The following MCC variants were observed in gnomAD, a reference collection of about 807,000 sequenced individuals.
MCC encodes the protein colorectal mutant cancer protein.
A neutral mutation model predicts 116.2 loss-of-function variants in MCC; 90 were observed. The ratio of observed to expected loss-of-function variants is 0.77; its 90% CI spans 0.65 to 0.92. The LOEUF (loss-of-function observed/expected upper bound fraction) is 0.92. Ranked by LOEUF, MCC falls within the 40% of genes least tolerant of loss-of-function variation. The pLI is 0.00. For missense variants in MCC, 1,516 were observed against 1,312.2 expected (o/e 1.16, Z -2.40); for synonymous variants, 578 against 510.5 (o/e 1.13, Z -1.78).
At chr5:113,069,342 G>T (rs976784022) in intron 12 of MCC, among the ~76,000 whole-genome samples, 1 of 152,234 alleles carries the variant, frequency 6.6e-6, no homozygotes, top group Admixed American at 6.5e-5. Context: ...CATTCATTGG[G>T]CAAACAAGGT....
chr5:113,275,785 T>C (rs1765798980), intron 3 of MCC, among the ~76,000 whole-genome samples: 2 of 152,118 alleles, frequency 1.3e-5, no homozygotes, highest in Admixed American at 1.3e-4. Flanking sequence ...TATATGCAAA[T>C]ACTACACCCT....
chr5:113,220,974 G>A (rs1353928526), intron 3 of MCC, among the ~76,000 whole-genome samples: 3 of 152,210 alleles, frequency 2.0e-5, no homozygotes, highest in East Asian at 3.8e-4. Context: ...AGAGCAAGGC[G>A]TGTGGATTGC....
At chr5:113,341,947 G>A (rs145012923) in intron 2 of MCC, among the ~76,000 whole-genome samples, 1 of 152,106 alleles carries the variant, frequency 6.6e-6, no homozygotes, top group African/African-American at 2.4e-5. Context: ...CACCCGAACA[G>A]TGTACGCTGT....
chr5:113,092,403 A>C (rs1755706715), intron 8 of MCC, among the ~76,000 whole-genome samples: 1 of 152,208 alleles, frequency 6.6e-6, no homozygotes, highest in African/African-American at 2.4e-5. Flanking sequence ...AGAGAGATGC[A>C]GCCTTGCCGA....
chr5:113,102,050 C>G, intron 7 of MCC, 105 bp from the exon 8 acceptor site: 2 of 1,070,702 alleles, frequency 1.9e-6, no homozygotes, highest in Non-Finnish European at 1.4e-6. Context: ...GGAGTGTGTT[C>G]TAGAACCACT....
intron 2 of MCC, among the ~76,000 whole-genome samples, chr5:113,348,106 C>G (rs1461227046): frequency 6.6e-6 from 1 of 151,938 alleles, no homozygotes; most frequent in African/African-American, 2.4e-5. Flanking sequence ...GATCTCAATG[C>G]CATAATTGCT....
intron 1 of MCC, among the ~76,000 whole-genome samples, chr5:113,396,576 C>T (rs1258905889): frequency 6.6e-6 from 1 of 152,080 alleles, no homozygotes; most frequent in Non-Finnish European, 1.5e-5. Flanking sequence ...GCAGAGGCTG[C>T]AGTGAGTTGA....
At chr5:113,115,438 T>C (rs1301003732) in intron 6 of MCC, among the ~76,000 whole-genome samples, 1 of 152,236 alleles carries the variant, frequency 6.6e-6, no homozygotes, top group Admixed American at 6.5e-5. Flanking sequence ...TTTGTTTTCA[T>C]TTTCACTGTT....
In MCC at chr5:113,296,865, A is replaced by T. The variant is rs114161555; in HGVS notation, c.627+43654T>A. 5.7e-3 allele frequency among the ~76,000 whole-genome samples: 871 copies of T among 152,286 alleles called. 6 individuals carry two copies. The highest frequency in any genetic ancestry group is 0.019 in the African/African-American group (799 of 41,554). On this transcript the variant is annotated intron_variant, in intron 3 of 18. Transcript: ENST00000408903. ...TGGTGTTTAAAGATACATATTTTTC[A>T]TACGACTCTACCCCTAAAACCAAGC...
chr5:113,283,067 C>T (rs772364889), intron 3 of MCC, among the ~76,000 whole-genome samples: 12 of 152,196 alleles, frequency 7.9e-5, no homozygotes, highest in Admixed American at 6.5e-4. Context: ...TAGCCCGGCC[C>T]GACAAAGCAT....
In MCC at chr5:113,488,382, C is replaced by A; in HGVS notation, c.33G>T (p.Gly11=). The change falls in exon 1 of 19, where the codon GGG becomes GGT. Residue 11 remains glycine, a synonymous_variant. Transcript: ENST00000408903. ...CGCCGCCGCCGCCGCTGCTGGAGCTCCCCGCAGCCGCTGCCGCCGCGGCCG... is the reference window on the plus strand; with the variant it reads ...CGCCGCCGCCGCCGCTGCTGGAGCTACCCGCAGCCGCTGCCGCCGCGGCCG... MMAAAAAAAA[G]SSSSGGGGGG... is the part of the protein sequence containing the mutation. 1 of 1,442,766 alleles carries A rather than the reference C, an allele frequency of 6.9e-7. No homozygotes were observed. The highest frequency in any genetic ancestry group is 9.0e-7 in the Non-Finnish European group (1 of 1,108,686). 89.4% of individuals were successfully genotyped at this position (1,442,766 alleles called of 1,614,324 possible).
chr5:113,405,272 A>G (rs1769796444), intron 1 of MCC, among the ~76,000 whole-genome samples: 1 of 152,204 alleles, frequency 6.6e-6, no homozygotes, highest in Non-Finnish European at 1.5e-5. Context: ...TGCAATTTAC[A>G]CTTGGCCTTG....
chr5:113,318,383 C>T (rs1767340400), intron 3 of MCC, among the ~76,000 whole-genome samples: 1 of 152,126 alleles, frequency 6.6e-6, no homozygotes, highest in Admixed American at 6.5e-5. Flanking sequence ...CAACTTTTGC[C>T]AGACTATGTA....
rs1211227248 is a variant in MCC, at chr5:113,022,770, CTGATA to C, written c.*4527_*4531del. The C allele has an allele frequency of 6.6e-6, 1 of 152,208 alleles. No homozygotes were observed. Among genetic ancestry groups the C allele is most frequent in the East Asian group, 1.9e-4 (1 of 5,204 alleles). 9.4% of individuals were successfully genotyped at this position (152,208 alleles called of 1,614,324 possible). ...GTATAACTTGCTTTGTTCTGCTGAG[CTGATA>C]TTTCACCTGATTAGCAGATGGATGA... On this transcript the variant is annotated 3_prime_UTR_variant, in exon 19 of 19. Transcript: ENST00000408903.
chr5:113,305,009 CAA>C (rs61371264), intron 3 of MCC, among the ~76,000 whole-genome samples: 1 of 137,326 alleles, frequency 7.3e-6, no homozygotes, highest in African/African-American at 2.6e-5. Flanking sequence ...CCAAAAGGGG[CAA>C]AAAAAAAAAT....
intron 3 of MCC, among the ~76,000 whole-genome samples, chr5:113,175,951 C>A (rs1259879509): frequency 1.3e-5 from 2 of 152,026 alleles, no homozygotes; most frequent in African/African-American, 4.8e-5. Flanking sequence ...CTGCATCCTA[C>A]CCCCTATGTA....
intron 4 of MCC, among the ~76,000 whole-genome samples, chr5:113,145,786 ACACACACACACACACACAC>A (rs1759479029): frequency 1.5e-4 from 2 of 13,516 alleles, no homozygotes; most frequent in Non-Finnish European, 4.0e-4. Context: ...ACACACACAA[ACACACACACACACACACAC>A]AAAAGACCCT....
chr5:113,049,788 T>A (rs941152787), intron 15 of MCC, among the ~76,000 whole-genome samples: 2 of 152,232 alleles, frequency 1.3e-5, no homozygotes, highest in African/African-American at 2.4e-5. Flanking sequence ...ACGGCACCTC[T>A]GTTGCCCTGT....
intron 3 of MCC, among the ~76,000 whole-genome samples, chr5:113,233,432 T>C (rs1251608608): frequency 6.6e-6 from 1 of 152,212 alleles, no homozygotes; most frequent in Non-Finnish European, 1.5e-5. Flanking sequence ...ACCAAGGTAT[T>C]CATACTACCT....
Sources: gnomAD v4.1 joint callset for allele counts (sites outside exome capture counted in the v4.1 genomes callset) on GRCh38, gnomAD v4.1.1 for gene constraint, MANE v1.5 for transcripts, NCBI Gene and HGNC (gene_info 2026-07-23, HGNC 2026-07-21) for gene names.